CCSER1: variants seen among roughly 807,000 people sequenced by gnomAD.
CCSER1 encodes serine-rich coiled-coil domain-containing protein 1.
A neutral mutation model predicts 82.0 loss-of-function variants in CCSER1; 41 were observed. The ratio of observed to expected loss-of-function variants is 0.50; its 90% CI spans 0.39 to 0.65. The LOEUF (loss-of-function observed/expected upper bound fraction) is 0.65. CCSER1 is among the 30% of genes least tolerant of loss of function. CCSER1 has a pLI of 0.00. For synonymous variants in CCSER1, 414 were observed against 383.9 expected, an observed-to-expected ratio of 1.08 and a Z score of -0.92; for missense variants, 1,119 against 1,064.2, an observed-to-expected ratio of 1.05 and a Z score of -0.72.
chr4:90,446,161 T>C (rs1336987293), intron 4 of CCSER1, among the ~76,000 whole-genome samples: 1 of 152,192 alleles, frequency 6.6e-6, no homozygotes, highest in Non-Finnish European at 1.5e-5. Flanking sequence ...ACTAAAAGCA[T>C]TAGCTCCAGT....
At chr4:90,904,945 G>A (rs113461924) in intron 8 of CCSER1, among the ~76,000 whole-genome samples, 1,988 of 152,128 alleles carry the variant, frequency 0.013, 23 homozygotes, top group Non-Finnish European at 0.023. Flanking sequence ...TGCTTCTCCT[G>A]AAGTGTTTCT....
chr4:90,917,395 T>C (rs1727637492), intron 8 of CCSER1, among the ~76,000 whole-genome samples: 1 of 152,118 alleles, frequency 6.6e-6, no homozygotes, highest in African/African-American at 2.4e-5. Flanking sequence ...ACCATCATTC[T>C]CAGCAAACTA....
chr4:90,572,637 T>A (rs1780248109), intron 5 of CCSER1, among the ~76,000 whole-genome samples: 1 of 152,140 alleles, frequency 6.6e-6, no homozygotes, highest in Non-Finnish European at 1.5e-5. Flanking sequence ...CTACTGCATT[T>A]TTTTCATTTA....
chr4:90,387,627 G>GTCAA (rs1750259640), intron 3 of CCSER1, among the ~76,000 whole-genome samples: 2 of 152,128 alleles, frequency 1.3e-5, no homozygotes, highest in South Asian at 2.1e-4. Context: ...TAACCATGTA[G>GTCAA]TCAATCAATC....
At chr4:91,180,366 A>C (rs1397067489) in intron 10 of CCSER1, among the ~76,000 whole-genome samples, 2 of 152,230 alleles carry the variant, frequency 1.3e-5, no homozygotes, top group African/African-American at 4.8e-5. Context: ...AGTCTGCAGA[A>C]GTTTCTGCTG....
intron 1 of CCSER1, among the ~76,000 whole-genome samples, chr4:90,141,065 G>T (rs1200583850): frequency 4.0e-5 from 3 of 74,284 alleles, no homozygotes; most frequent in African/African-American, 5.8e-5. Context: ...TCTATCTATT[G>T]TCTGTCTACC....
At chr4:90,299,301 A>G (rs1732639617) in intron 1 of CCSER1, among the ~76,000 whole-genome samples, 1 of 152,066 alleles carries the variant, frequency 6.6e-6, no homozygotes, top group African/African-American at 2.4e-5. Context: ...CTTATATACC[A>G]TGTTTTGTGT....
intron 4 of CCSER1, among the ~76,000 whole-genome samples, chr4:90,447,849 T>A (rs1035900640): frequency 6.6e-6 from 1 of 152,202 alleles, no homozygotes; most frequent in African/African-American, 2.4e-5. Context: ...AACAGTTTTA[T>A]TTGCATATAA....
chr4:90,487,208 G>A (rs369386454), intron 5 of CCSER1, among the ~76,000 whole-genome samples: 6 of 152,270 alleles, frequency 3.9e-5, no homozygotes, highest in South Asian at 2.1e-4. Context: ...CACTGGTCCC[G>A]GCCGTCTCTA....
At chr4:91,277,147 GT>G (rs1425654025) in intron 10 of CCSER1, among the ~76,000 whole-genome samples, 1 of 151,976 alleles carries the variant, frequency 6.6e-6, no homozygotes, top group African/African-American at 2.4e-5. Context: ...TGGTATCAGG[GT>G]AATACTGCCC....
chr4:91,361,640 G>A (rs1256060397), intron 10 of CCSER1, among the ~76,000 whole-genome samples: 1 of 151,896 alleles, frequency 6.6e-6, no homozygotes, highest in Middle Eastern at 3.4e-3. Context: ...AACAGAGACT[G>A]CAAGTAGAGA....
At chr4:90,926,513 T>C (rs2150264048) in intron 9 of CCSER1, among the ~76,000 whole-genome samples, 1 of 152,182 alleles carries the variant, frequency 6.6e-6, no homozygotes, top group South Asian at 2.1e-4. Context: ...ACATTAATTA[T>C]AATAAAATCT....
At chr4:91,328,477 A>G (rs764774502) in intron 10 of CCSER1, among the ~76,000 whole-genome samples, 13 of 152,202 alleles carry the variant, frequency 8.5e-5, no homozygotes, top group Non-Finnish European at 1.9e-4. Flanking sequence ...CCATGATCCA[A>G]TCACTTCCTA....
At chr4:90,426,134 G>GC (rs2153563750) in intron 4 of CCSER1, among the ~76,000 whole-genome samples, 1 of 152,236 alleles carries the variant, frequency 6.6e-6, no homozygotes, top group East Asian at 1.9e-4. Context: ...ACATTCCTTG[G>GC]CAGAGTAGGG....
chr4:90,583,323 G>A (rs540626470), intron 5 of CCSER1, among the ~76,000 whole-genome samples: 1 of 152,060 alleles, frequency 6.6e-6, no homozygotes, highest in Non-Finnish European at 1.5e-5. Flanking sequence ...CCGCCACTAC[G>A]CCTGGCTAAT....
chr4:90,484,776 A>G (rs946691933), intron 5 of CCSER1, among the ~76,000 whole-genome samples: 3 of 152,252 alleles, frequency 2.0e-5, no homozygotes, highest in South Asian at 2.1e-4. Flanking sequence ...TGATATGTCA[A>G]TCTGCCCCTA....
rs189153087 is a variant in CCSER1 at position 91,224,223 on chromosome 4, G to A, written c.2217+138229G>A. On this transcript the variant is annotated intron_variant, in intron 10 of 10. Transcript: ENST00000509176. Reference sequence around the variant, plus strand: ...GCATTGCTGCAAATCCACTCGCATCGGTCTACCTTTATCTACTGTGCTGCT... The same window carrying A: ...GCATTGCTGCAAATCCACTCGCATCAGTCTACCTTTATCTACTGTGCTGCT... Among the ~76,000 whole-genome samples, 368 of 152,060 alleles carry A rather than the reference G, an allele frequency of 2.4e-3. 3 individuals carry two copies. Among genetic ancestry groups the A allele is most frequent in the African/African-American group, 8.1e-3 (334 of 41,486 alleles).
At chr4:91,315,119 A>T (rs1308158355) in intron 10 of CCSER1, among the ~76,000 whole-genome samples, 1 of 150,658 alleles carries the variant, frequency 6.6e-6, no homozygotes, top group Non-Finnish European at 1.5e-5. Flanking sequence ...CCAATAGATG[A>T]GGGCTACTTC....
chr4:90,798,932 C>T (rs566658659), intron 7 of CCSER1, among the ~76,000 whole-genome samples: 5 of 152,314 alleles, frequency 3.3e-5, no homozygotes, highest in African/African-American at 9.6e-5. Flanking sequence ...TGGGTGGTGC[C>T]AGCCAAAGCA....
Sources: allele counts gnomAD v4.1 joint callset (sites outside exome capture counted in the v4.1 genomes callset), GRCh38; gene constraint gnomAD v4.1.1; transcripts MANE v1.5; gene names NCBI Gene and HGNC (gene_info 2026-07-23, HGNC 2026-07-21).